LAMA3: variants seen among roughly 807,000 people sequenced by gnomAD.
The protein encoded by LAMA3 is laminin subunit alpha 3, also known as laminin subunit alpha-3.
A neutral mutation model predicts 402.0 loss-of-function variants in LAMA3; 281 were observed. The observed-to-expected ratio is 0.70, with a 90% CI of 0.63 to 0.77. The LOEUF (loss-of-function observed/expected upper bound fraction) is 0.77, where lower values mean the gene tolerates loss of function less well. LAMA3 is among the 30% of genes least tolerant of loss of function. The pLI is 0.00. For missense variants in LAMA3, 3,840 were observed against 4,215.5 expected (o/e 0.91, Z 2.47); for synonymous variants, 1,431 against 1,558.4 (o/e 0.92, Z 1.93).
At chr18:23,780,692 T>A (rs2062420326) in intron 11 of LAMA3, among the ~76,000 whole-genome samples, 1 of 152,194 alleles carries the variant, frequency 6.6e-6, no homozygotes, top group African/African-American at 2.4e-5. Context: ...TTGATGATGA[T>A]GATTTTATAG....
chr18:23,875,808 C>T (rs540210276), intron 38 of LAMA3, among the ~76,000 whole-genome samples: 4 of 152,276 alleles, frequency 2.6e-5, no homozygotes, highest in African/African-American at 9.6e-5. Flanking sequence ...TTTCCACCTT[C>T]TCCACCTGCC....
intron 38 of LAMA3, among the ~76,000 whole-genome samples, chr18:23,872,472 A>G (rs896807894): frequency 1.3e-5 from 2 of 152,174 alleles, no homozygotes; most frequent in Non-Finnish European, 2.9e-5. Flanking sequence ...TGTGTATTCC[A>G]TACATCCATA....
Position 23,742,998 on chromosome 18 carries a change from C to T in LAMA3, c.448-4945C>T, listed in dbSNP as rs765363525. Among the ~76,000 whole-genome samples, 33 of 152,030 alleles carry T rather than the reference C, an allele frequency of 2.2e-4. 1 individual carries two copies. Among genetic ancestry groups the T allele is most frequent in the Admixed American group, 1.2e-3 (18 of 15,250 alleles). On this transcript the variant is annotated intron_variant, in intron 2 of 74. Transcript: ENST00000313654. ...ACAGTATTTTGCACTTTCACAATCC[C>T]GTCTGTTAGTTTAATTTCAATTCAA...
chr18:23,770,303 CAG>C (rs986783160), intron 8 of LAMA3, among the ~76,000 whole-genome samples: 9 of 151,596 alleles, frequency 5.9e-5, no homozygotes, highest in African/African-American at 2.2e-4. Flanking sequence ...AAGTTACAGA[CAG>C]AAAATATTCA....
intron 32 of LAMA3, among the ~76,000 whole-genome samples, chr18:23,854,758 C>A (rs568435122): frequency 6.6e-6 from 1 of 150,666 alleles, no homozygotes; most frequent in African/African-American, 2.4e-5. Context: ...GCCAAGGAGG[C>A]GGATCACGAG....
chr18:23,767,761 C>T (rs1193338193), intron 8 of LAMA3, among the ~76,000 whole-genome samples: 1 of 151,812 alleles, frequency 6.6e-6, no homozygotes. Context: ...TTAGTAGAAA[C>T]AGAGTTTCAC....
chr18:23,913,068 C>T (rs548320651), intron 56 of LAMA3, among the ~76,000 whole-genome samples, 187 bp downstream of exon 56: 1 of 152,330 alleles, frequency 6.6e-6, no homozygotes, highest in East Asian at 1.9e-4. Flanking sequence ...CCTCGAGGGG[C>T]CTCCCATGCA....
intron 10 of LAMA3, among the ~76,000 whole-genome samples, chr18:23,777,237 G>T (rs974548980): frequency 1.0e-4 from 15 of 142,888 alleles, no homozygotes; most frequent in African/African-American, 3.7e-4. Flanking sequence ...TTTCTTTAAA[G>T]CTTTGATTTT....
rs567630010 is a variant in LAMA3 at position 23,857,482 on chromosome 18, C to T, written c.4137-362C>T. Reference sequence around the variant, plus strand: ...TCATTTCCCCCAGGGAAACTTGTCACCTGCTACTCCTCTGAACCTCAGTTA... The same window carrying T: ...TCATTTCCCCCAGGGAAACTTGTCATCTGCTACTCCTCTGAACCTCAGTTA... On this transcript the variant is annotated intron_variant, in intron 32 of 74. Transcript: ENST00000313654. Among the ~76,000 whole-genome samples, 79 of 152,378 alleles carry T rather than the reference C, an allele frequency of 5.2e-4. No individual in the cohort carries two copies. In the South Asian group the frequency reaches 8.5e-3, roughly 16 times the overall value.
chr18:23,770,683 C>T (rs923199597), intron 8 of LAMA3, among the ~76,000 whole-genome samples: 2 of 152,134 alleles, frequency 1.3e-5, no homozygotes, highest in Admixed American at 6.5e-5. Flanking sequence ...ATGGCGTGAA[C>T]CCGGGAGGCA....
chr18:23,905,651 G>C (rs375648302), intron 52 of LAMA3, 27 bp downstream of exon 52: 92 of 1,324,020 alleles, frequency 6.9e-5, no homozygotes, highest in Non-Finnish European at 9.6e-5. Context: ...GCAATGGCAG[G>C]GATAGTCAGG....
chr18:23,886,476 A>G (rs1015698453), intron 41 of LAMA3, among the ~76,000 whole-genome samples: 1 of 152,094 alleles, frequency 6.6e-6, no homozygotes, highest in Non-Finnish European at 1.5e-5. Flanking sequence ...CCTCATCTCC[A>G]TAATTTTTTT....
chr18:23,908,412 C>T (rs542840278), intron 54 of LAMA3, among the ~76,000 whole-genome samples: 2 of 151,914 alleles, frequency 1.3e-5, no homozygotes, highest in Non-Finnish European at 2.9e-5. Flanking sequence ...CGCCTGTAGT[C>T]CCAGCTACTC....
intron 5 of LAMA3, among the ~76,000 whole-genome samples, chr18:23,752,624 C>G (rs1236684310): frequency 6.6e-6 from 1 of 152,000 alleles, no homozygotes; most frequent in Non-Finnish European, 1.5e-5. Context: ...GCAGGAAAGC[C>G]CCTGAGTGTT....
At chr18:23,735,496 C>T (rs1314161824) in intron 2 of LAMA3, among the ~76,000 whole-genome samples, 1 of 152,012 alleles carries the variant, frequency 6.6e-6, no homozygotes, top group Non-Finnish European at 1.5e-5. Flanking sequence ...TTCTGTTTTC[C>T]TCCTTTGTCT....
intron 2 of LAMA3, among the ~76,000 whole-genome samples, chr18:23,724,738 T>C (rs568397623): frequency 6.6e-6 from 1 of 152,352 alleles, no homozygotes; most frequent in African/African-American, 2.4e-5. Flanking sequence ...TTACTATTAA[T>C]GGCAAGCATA....
intron 44 of LAMA3, 28 bp downstream of exon 44, chr18:23,895,086 A>T: frequency 1.3e-6 from 2 of 1,566,252 alleles, no homozygotes; most frequent in Non-Finnish European, 1.7e-6. Flanking sequence ...GAGAGTAGAC[A>T]CGTGGGGAGG....
At chr18:23,846,575 A>C in intron 31 of LAMA3, 67 bp downstream of exon 31, 1 of 1,413,626 alleles carries the variant, frequency 7.1e-7, no homozygotes, top group Non-Finnish European at 9.7e-7. Context: ...TACCAGGAGC[A>C]GGCTTCTTCA....
intron 32 of LAMA3, among the ~76,000 whole-genome samples, chr18:23,851,682 A>G (rs2063948242): frequency 6.6e-6 from 1 of 150,966 alleles, no homozygotes; most frequent in Non-Finnish European, 1.5e-5. Flanking sequence ...AGCCACCCTC[A>G]CTCCTGGATG....
Sources: allele counts gnomAD v4.1 joint callset (sites outside exome capture counted in the v4.1 genomes callset), GRCh38; gene constraint gnomAD v4.1.1; transcripts MANE v1.5; gene names NCBI Gene and HGNC (gene_info 2026-07-23, HGNC 2026-07-21).